Variants in CFDP1 observed in about 807,000 individuals in gnomAD.
The protein encoded by CFDP1 is heterochromatin-stabilizing protein CFDP1.
In CFDP1, 31 loss-of-function variants were observed where a neutral mutation model predicts 40.1. The ratio of observed to expected loss-of-function variants is 0.77; its 90% CI spans 0.58 to 1.04. The LOEUF (loss-of-function observed/expected upper bound fraction) is 1.04, where lower values mean the gene tolerates loss of function less well. Ranked by LOEUF, CFDP1 falls within the 50% of genes least tolerant of loss-of-function variation. CFDP1 has a pLI of 0.00. For synonymous variants in CFDP1, 167 were observed against 120.0 expected, an observed-to-expected ratio of 1.39 and a Z score of -2.56; for missense variants, 423 against 343.4, an observed-to-expected ratio of 1.23 and a Z score of -1.83.
At chr16:75,431,228 G>A in intron 1 of CFDP1, among the ~76,000 whole-genome samples, 1 of 151,842 alleles carries the variant, frequency 6.6e-6, no homozygotes, top group Non-Finnish European at 1.5e-5. Flanking sequence ...GAGGCGGGCA[G>A]ACCATTTGAG....
At chr16:75,417,638 G>C (rs1242416575) in intron 1 of CFDP1, among the ~76,000 whole-genome samples, 2 of 152,142 alleles carry the variant, frequency 1.3e-5, no homozygotes, top group Non-Finnish European at 2.9e-5. Flanking sequence ...GTAGAAGCAA[G>C]AGTTCACTGT....
At chr16:75,377,753 A>G (rs746407168) in intron 5 of CFDP1, among the ~76,000 whole-genome samples, 1 of 152,220 alleles carries the variant, frequency 6.6e-6, no homozygotes, top group Non-Finnish European at 1.5e-5. Context: ...ACTCAGTTCT[A>G]TTGTGTTCTC....
intron 5 of CFDP1, among the ~76,000 whole-genome samples, chr16:75,360,778 A>G (rs2078675300): frequency 6.6e-6 from 1 of 152,246 alleles, no homozygotes; most frequent in African/African-American, 2.4e-5. Context: ...ACCTTAATTT[A>G]TATGTAATAT....
chr16:75,379,311 C>G (rs1260094644), intron 5 of CFDP1, among the ~76,000 whole-genome samples: 1 of 147,404 alleles, frequency 6.8e-6, no homozygotes, highest in East Asian at 2.0e-4. Flanking sequence ...TCAATAAAAT[C>G]GACAAACGTC....
intron 5 of CFDP1, among the ~76,000 whole-genome samples, chr16:75,382,745 T>C (rs766512098): frequency 2.6e-5 from 4 of 152,250 alleles, no homozygotes; most frequent in Non-Finnish European, 5.9e-5. Flanking sequence ...ATCAAGAGCA[T>C]TTTTGTACAT....
At position 75,370,575 on chromosome 16, in the gene CFDP1, A is replaced by T. The variant is rs146872894; in HGVS notation, c.650+24515T>A. Among the ~76,000 whole-genome samples, 80 of 152,172 alleles carry T rather than the reference A, an allele frequency of 5.3e-4. 1 individual carries two copies. The East Asian group carries it at 0.015, about 28-fold the overall frequency. ...GTATAATAAAATAATAATAATAATAATGTGTGGCAGGGTGCAGTAGCTGAC... is the reference window on the plus strand; with the variant it reads ...GTATAATAAAATAATAATAATAATATTGTGTGGCAGGGTGCAGTAGCTGAC... On this transcript the variant is annotated intron_variant, in intron 5 of 6. Transcript: ENST00000283882.
At chr16:75,308,546 T>A (rs1369168706) in intron 5 of CFDP1, among the ~76,000 whole-genome samples, 1 of 152,240 alleles carries the variant, frequency 6.6e-6, no homozygotes, top group Admixed American at 6.5e-5. Context: ...CTGTGAACAG[T>A]GAGCACTCAA....
Position 75,396,208 on chromosome 16 carries a change from T to C in CFDP1, c.531-999A>G, listed in dbSNP as rs552080938. Among the ~76,000 whole-genome samples the C allele has an allele frequency of 2.0e-5, 2 of 102,500 alleles. 1 individual carries two copies. Among genetic ancestry groups the C allele is most frequent in the East Asian group, 5.9e-4 (2 of 3,388 alleles). The allele number at this position is 102,500 out of a possible 152,430, so 67.2% of individuals were successfully genotyped here. On this transcript the variant is annotated intron_variant, in intron 4 of 6. Transcript: ENST00000283882. The stretch of plus-strand genomic sequence containing the variant: ...TAGAATTGGGAAATAATGCCTAGGT[T>C]GGCACTATTTCAAGGAGAAAAACAA...
At chr16:75,342,508 G>A (rs1200573006) in intron 5 of CFDP1, among the ~76,000 whole-genome samples, 1 of 152,188 alleles carries the variant, frequency 6.6e-6, no homozygotes, top group Non-Finnish European at 1.5e-5. Flanking sequence ...AAAAGGGGCA[G>A]GTAGTAAGGA....
chr16:75,357,727 A>C (rs967083980), intron 5 of CFDP1, among the ~76,000 whole-genome samples: 1 of 152,232 alleles, frequency 6.6e-6, no homozygotes, highest in Non-Finnish European at 1.5e-5. Context: ...TATTCAGACC[A>C]TTCAAGCTGT....
intron 5 of CFDP1, among the ~76,000 whole-genome samples, chr16:75,354,896 A>G (rs2151528377): frequency 6.6e-6 from 1 of 152,316 alleles, no homozygotes; most frequent in East Asian, 1.9e-4. Flanking sequence ...ACATCAGAGA[A>G]AGCTGGGTGA....
intron 5 of CFDP1, among the ~76,000 whole-genome samples, chr16:75,390,682 G>A (rs778938888): frequency 6.6e-6 from 1 of 152,212 alleles, no homozygotes; most frequent in Non-Finnish European, 1.5e-5. Flanking sequence ...TACCCTAAGA[G>A]GCTGCAGAGA....
chr16:75,433,185 T>A (rs922290467), intron 1 of CFDP1, 104 bp downstream of exon 1: 5 of 1,072,674 alleles, frequency 4.7e-6, no homozygotes, highest in Admixed American at 2.1e-5. Context: ...GGAGCCCCCC[T>A]GGACCACCTG....
intron 4 of CFDP1, among the ~76,000 whole-genome samples, chr16:75,405,385 T>C (rs2079088963): frequency 6.6e-6 from 1 of 152,108 alleles, no homozygotes; most frequent in African/African-American, 2.4e-5. Flanking sequence ...CCCAACACTT[T>C]GGGAGGCCAA....
At chr16:75,401,263 C>T (rs760903169) in intron 4 of CFDP1, among the ~76,000 whole-genome samples, 2 of 152,010 alleles carry the variant, frequency 1.3e-5, no homozygotes, top group Non-Finnish European at 2.9e-5. Context: ...CCCGTCTCTA[C>T]TAAAAATACA....
chr16:75,394,486 T>C (rs1792977265), intron 5 of CFDP1, among the ~76,000 whole-genome samples: 1 of 152,040 alleles, frequency 6.6e-6, no homozygotes, highest in South Asian at 2.1e-4. Context: ...AGGATGGGAG[T>C]GAGTGTTCAT....
At chr16:75,371,018 G>A (rs2078747537) in intron 5 of CFDP1, among the ~76,000 whole-genome samples, 2 of 152,132 alleles carry the variant, frequency 1.3e-5, no homozygotes, top group Admixed American at 6.5e-5. Context: ...CATATACTGT[G>A]CCAAGTGCAG....
chr16:75,337,090 T>C (rs1285189025), intron 5 of CFDP1, among the ~76,000 whole-genome samples: 4 of 152,232 alleles, frequency 2.6e-5, no homozygotes, highest in Non-Finnish European at 5.9e-5. Context: ...AAATTATGAA[T>C]GTATCATTGT....
chr16:75,397,701 G>A (rs900305566), intron 4 of CFDP1, among the ~76,000 whole-genome samples: 3 of 151,998 alleles, frequency 2.0e-5, no homozygotes, highest in South Asian at 2.1e-4. Context: ...AGCTACTCGG[G>A]AGGCTGAGGC....
Sources: allele counts gnomAD v4.1 joint callset (sites outside exome capture counted in the v4.1 genomes callset), GRCh38; gene constraint gnomAD v4.1.1; transcripts MANE v1.5; gene names NCBI Gene and HGNC (gene_info 2026-07-23, HGNC 2026-07-21).